EMSY: variants seen among roughly 807,000 people sequenced by gnomAD.
EMSY encodes the protein EMSY transcriptional repressor, BRCA2 interacting, also known as BRCA2-interacting transcriptional repressor EMSY.
A neutral mutation model predicts 134.6 loss-of-function variants in EMSY; 26 were observed. That is an observed-to-expected ratio of 0.19 (90% CI 0.14 to 0.27). The LOEUF (loss-of-function observed/expected upper bound fraction) is 0.27, where lower values mean the gene tolerates loss of function less well. EMSY is among the 10% of genes least tolerant of loss of function. EMSY has a pLI of 1.00. For synonymous variants in EMSY, 579 were observed against 577.8 expected (o/e 1.00, Z -0.03); for missense variants, 1,305 against 1,611.4 (o/e 0.81, Z 3.26).
chr11:76,475,113 A>G (rs1221817067), intron 8 of EMSY, among the ~76,000 whole-genome samples: 1 of 152,200 alleles, frequency 6.6e-6, no homozygotes, highest in Admixed American at 6.5e-5. Context: ...AATGTTGGTT[A>G]CAAACATGTT....
chr11:76,459,855 T>A, intron 5 of EMSY, 78 bp from the exon 7 acceptor site: 1 of 1,531,922 alleles, frequency 6.5e-7, no homozygotes, highest in Non-Finnish European at 8.9e-7. Context: ...AAAATTGGCC[T>A]GCAATAAAAA....
intron 6 of EMSY, among the ~76,000 whole-genome samples, chr11:76,463,086 C>A (rs1003840207): frequency 6.6e-6 from 1 of 151,802 alleles, no homozygotes; most frequent in Non-Finnish European, 1.5e-5. Flanking sequence ...GAGGCCAAGG[C>A]GGGTGGATCA....
intron 1 of EMSY, 72 bp downstream of exon 1, chr11:76,445,200 C>T (rs911360215): frequency 2.0e-5 from 3 of 152,812 alleles, no homozygotes; most frequent in Non-Finnish European, 4.4e-5. Context: ...CCGGGCCAAG[C>T]ATTCGGAGCC....
intron 12 of EMSY, 138 bp downstream of exon 13, chr11:76,523,429 G>A (rs1439495966): frequency 1.1e-6 from 1 of 945,082 alleles, no homozygotes; most frequent in Non-Finnish European, 1.5e-6. Context: ...TATAACAACT[G>A]TTAAAGCACC....
At chr11:76,487,344 C>G (rs1328916987) in intron 8 of EMSY, among the ~76,000 whole-genome samples, 1 of 152,120 alleles carries the variant, frequency 6.6e-6, no homozygotes, top group Non-Finnish European at 1.5e-5. Flanking sequence ...GATACAGTAG[C>G]CTTTTAATCA....
chr11:76,551,546 C>T (rs1951836350), downstream of EMSY: 1 of 152,618 alleles, frequency 6.6e-6, no homozygotes, highest in Non-Finnish European at 1.5e-5. Context: ...TAGAGTGACA[C>T]TGAAGATTTA....
chr11:76,469,296 C>T (rs966473702), intron 7 of EMSY, among the ~76,000 whole-genome samples: 1 of 152,182 alleles, frequency 6.6e-6, no homozygotes, highest in African/African-American at 2.4e-5. Flanking sequence ...TTGGTGAATT[C>T]TTATCTGGGC....
In EMSY at chr11:76,536,058, AG is replaced by A. The variant is rs762717403; in HGVS notation, c.2359+1del. 1 of 1,538,022 alleles carries A rather than the reference AG, an allele frequency of 6.5e-7. No homozygotes were observed. The highest frequency in any genetic ancestry group is 2.0e-5 in the Admixed American group (1 of 51,242). ...CTCTGTTAGAACTCCAACAGACAACAGGTATGAATTCACATGCTCAATTGAA... is the reference window on the plus strand; with the variant it reads ...CTCTGTTAGAACTCCAACAGACAACAGTATGAATTCACATGCTCAATTGAA... On this transcript the variant is annotated frameshift_variant and splice_region_variant, in exon 15 of 21. Coordinates refer to ENST00000334736, the Ensembl canonical transcript of EMSY. LOFTEE classifies it high-confidence loss of function.
chr11:76,552,899 A>G (rs1210792949), downstream of EMSY: 1 of 152,212 alleles, frequency 6.6e-6, no homozygotes, highest in Non-Finnish European at 1.5e-5. Context: ...AGATTATATA[A>G]TATGTGGTCT....
intron 9 of EMSY, among the ~76,000 whole-genome samples, chr11:76,512,683 G>A (rs1590940488): frequency 6.9e-6 from 1 of 145,206 alleles, no homozygotes; most frequent in Non-Finnish European, 1.5e-5. Flanking sequence ...GAAAGTCAAT[G>A]TAACAATTAT....
intron 8 of EMSY, among the ~76,000 whole-genome samples, chr11:76,474,850 G>T (rs902456063): frequency 3.9e-5 from 6 of 152,058 alleles, no homozygotes; most frequent in Non-Finnish European, 8.8e-5. Flanking sequence ...TGCAACCTCC[G>T]CCTCCCGGGT....
At chr11:76,535,510 C>T (rs1207875711) in intron 14 of EMSY, among the ~76,000 whole-genome samples, 1 of 152,184 alleles carries the variant, frequency 6.6e-6, no homozygotes, top group East Asian at 1.9e-4. Flanking sequence ...CTCACCTACA[C>T]ATATGCGTAT....
At chr11:76,489,943 C>G (rs1949353087) in intron 8 of EMSY, among the ~76,000 whole-genome samples, 1 of 152,030 alleles carries the variant, frequency 6.6e-6, no homozygotes, top group Non-Finnish European at 1.5e-5. Flanking sequence ...TATTCTTAAC[C>G]CATCTGTGCC....
chr11:76,467,262 A>G (rs1020737374), intron 7 of EMSY, among the ~76,000 whole-genome samples: 3 of 152,186 alleles, frequency 2.0e-5, no homozygotes, highest in Non-Finnish European at 2.9e-5. Flanking sequence ...TCTACTTACT[A>G]TAACGCTTTT....
chr11:76,514,571 T>G (rs1950382211), intron 10 of EMSY, among the ~76,000 whole-genome samples: 1 of 152,174 alleles, frequency 6.6e-6, no homozygotes, highest in South Asian at 2.1e-4. Context: ...ACCTGTGCTT[T>G]CTTTTGTTTT....
Position 76,472,577 on chromosome 11 carries a change from C to G in EMSY, c.845C>G (p.Thr282Ser), listed in dbSNP as rs774753612. ...TTTATTCCTTAGGTTATTATAGTCA[C>G]CACATCACCAAGCTCAACCTTCGTG... is the stretch of plus-strand genomic sequence containing the variant. Residue 282 changes from threonine (T) to serine (S), a missense_variant, in exon 8 of 21, where the codon ACC becomes AGC. Transcript: ENST00000334736. 1.9e-6 allele frequency: 3 copies of G among 1,613,672 alleles called. No individual in the cohort carries two copies. Among genetic ancestry groups the G allele is most frequent in the Non-Finnish European group, 2.5e-6 (3 of 1,179,756 alleles).
exon 9 of EMSY, chr11:76,496,245 C>T (rs1237653733): frequency 1.9e-6 from 3 of 1,614,012 alleles, no homozygotes; most frequent in Non-Finnish European, 2.5e-6. Context: ...AAAATGGCAT[C>T]AACCAGACTT....
At chr11:76,450,537 G>A (rs988349440) in intron 2 of EMSY, among the ~76,000 whole-genome samples, 2 of 151,252 alleles carry the variant, frequency 1.3e-5, no homozygotes, top group East Asian at 3.9e-4. Context: ...TGTCACCCAG[G>A]CTGAAGTACA....
At chr11:76,523,103 C>A in intron 11 of EMSY, 52 bp from the exon 13 acceptor site, 1 of 1,534,838 alleles carries the variant, frequency 6.5e-7, no homozygotes. Flanking sequence ...CAAAAATAAC[C>A]AAGTATCTCT....
Sources: gnomAD v4.1 joint callset for allele counts (sites outside exome capture counted in the v4.1 genomes callset) on GRCh38, gnomAD v4.1.1 for gene constraint, MANE v1.5 for transcripts, NCBI Gene and HGNC (gene_info 2026-07-23, HGNC 2026-07-21) for gene names.